The following FAT3 variants were observed in gnomAD, a reference collection of about 807,000 sequenced individuals.
FAT3 encodes protocadherin Fat 3.
A neutral mutation model predicts 310.2 loss-of-function variants in FAT3; 95 were observed. The ratio of observed to expected loss-of-function variants is 0.31; its 90% CI spans 0.26 to 0.36. The LOEUF is 0.36. Among genes scored for constraint, FAT3 ranks in the 10% least tolerant of loss-of-function variants. FAT3 has a pLI of 1.00. For synonymous variants in FAT3, 2,314 were observed against 2,192.9 expected, an observed-to-expected ratio of 1.06 and a Z score of -1.54; for missense variants, 5,408 against 5,715.6, an observed-to-expected ratio of 0.95 and a Z score of 1.74.
At chr11:92,243,238 G>A (rs887789921) in intron 1 of FAT3, among the ~76,000 whole-genome samples, 2 of 151,980 alleles carry the variant, frequency 1.3e-5, no homozygotes, top group Admixed American at 6.6e-5. Flanking sequence ...AAAATGAAAA[G>A]GGGAGACAAA....
chr11:92,666,175 G>T (rs943586821), intron 3 of FAT3, among the ~76,000 whole-genome samples: 2 of 152,170 alleles, frequency 1.3e-5, no homozygotes, highest in Non-Finnish European at 2.9e-5. Context: ...AAAGGGTTCA[G>T]TTATAAAAGT....
At chr11:92,563,194 C>A (rs577634242) in intron 3 of FAT3, among the ~76,000 whole-genome samples, 2 of 152,122 alleles carry the variant, frequency 1.3e-5, no homozygotes, top group Non-Finnish European at 2.9e-5. Flanking sequence ...AAAATATTTT[C>A]TAATTGGCTT....
rs186313670 is a variant in FAT3, at chr11:92,483,336, C to G, written c.3293-41298C>G. Among the ~76,000 whole-genome samples the G allele has an allele frequency of 8.0e-5, 12 of 149,252 alleles. No individual in the cohort carries two copies. In the East Asian group the frequency reaches 2.2e-3, roughly 27 times the overall value. On this transcript the variant is annotated intron_variant, in intron 2 of 27. Coordinates refer to ENST00000525166, the MANE Select transcript of FAT3 (RefSeq NM_001367949.2). ...CTGTTATTTCTTTTTTTTTTCTTTT[C>G]TTTTTCTTTTATTTTTTGAGGCAGA...
chr11:92,464,806 A>G (rs1422409714), intron 2 of FAT3, among the ~76,000 whole-genome samples: 1 of 152,178 alleles, frequency 6.6e-6, no homozygotes, highest in East Asian at 1.9e-4. Context: ...TATTTCTAGC[A>G]CATTAAGCTT....
At chr11:92,576,179 G>A (rs1232519550) in intron 3 of FAT3, among the ~76,000 whole-genome samples, 1 of 152,156 alleles carries the variant, frequency 6.6e-6, no homozygotes, top group African/African-American at 2.4e-5. Context: ...CGAAGCAGGA[G>A]CAGTCTCTGT....
At chr11:92,737,851 C>T (rs573296254) in intron 4 of FAT3, among the ~76,000 whole-genome samples, 12 of 152,114 alleles carry the variant, frequency 7.9e-5, no homozygotes, top group African/African-American at 2.6e-4. Context: ...ACAGTGTTAT[C>T]AAGAAACCTC....
chr11:92,374,030 G>GGAGAGAGA (rs58680206), intron 2 of FAT3, among the ~76,000 whole-genome samples: 14,588 of 142,088 alleles, frequency 0.1, 778 homozygotes, highest in Non-Finnish European at 0.12. Context: ...ACAGAGAGAG[G>GGAGAGAGA]GAGAGAGAGA....
intron 3 of FAT3, among the ~76,000 whole-genome samples, chr11:92,579,056 G>C (rs1355151076): frequency 5.3e-5 from 8 of 152,050 alleles, no homozygotes; most frequent in African/African-American, 1.7e-4. Context: ...GGTATCTATA[G>C]TTCCATTAAT....
At chr11:92,563,448 A>T (rs2135477261) in intron 3 of FAT3, among the ~76,000 whole-genome samples, 1 of 152,316 alleles carries the variant, frequency 6.6e-6, no homozygotes, top group South Asian at 2.1e-4. Flanking sequence ...TCAACTTCAG[A>T]CACTACCAGG....
intron 9 of FAT3, among the ~76,000 whole-genome samples, chr11:92,794,075 C>G (rs534588788): frequency 6.6e-6 from 1 of 152,056 alleles, no homozygotes; most frequent in African/African-American, 2.4e-5. Flanking sequence ...GCAAAGTTTC[C>G]GGAGAGAATT....
At chr11:92,424,872 A>G (rs2134995209) in intron 2 of FAT3, among the ~76,000 whole-genome samples, 1 of 152,282 alleles carries the variant, frequency 6.6e-6, no homozygotes, top group South Asian at 2.1e-4. Context: ...CTATGATCAG[A>G]TTGTAATGTG....
At chr11:92,813,510 A>G (rs1003503763) in intron 13 of FAT3, among the ~76,000 whole-genome samples, 1 of 152,134 alleles carries the variant, frequency 6.6e-6, no homozygotes, top group Non-Finnish European at 1.5e-5. Flanking sequence ...TCATTTAAGC[A>G]CCACATTCAT....
At position 92,268,118 on chromosome 11, in the gene FAT3, C is replaced by G. The variant is rs184578839; in HGVS notation, c.-18+42944C>G. 3.3e-5 allele frequency among the ~76,000 whole-genome samples: 5 copies of G among 152,046 alleles called. No individual in the cohort carries two copies. In the East Asian group the frequency reaches 9.7e-4, roughly 29 times the overall value. ...GGAGAAAGAAAACAAACACTGGTCCCAACTCTGTGCTAATAGCTTTCAGTA... is the reference window on the plus strand; with the variant it reads ...GGAGAAAGAAAACAAACACTGGTCCGAACTCTGTGCTAATAGCTTTCAGTA... On this transcript the variant is annotated intron_variant, in intron 1 of 27. Transcript: ENST00000525166.
rs778687332 is a variant in FAT3 at position 92,882,801 on chromosome 11, C to T, written c.12345C>T (p.Asn4115=). 12 of 1,611,898 alleles carry T rather than the reference C, an allele frequency of 7.4e-6. No individual in the cohort carries two copies. The highest frequency in any genetic ancestry group is 1.6e-4 in the Middle Eastern group (1 of 6,062). Residue 4115 remains asparagine, a synonymous_variant, in exon 24 of 28, where the codon AAC becomes AAT. Coordinates refer to ENST00000525166, the MANE Select transcript of FAT3 (RefSeq NM_001367949.2). ...GTGAGAACGGAGGCTCCTGCGTGAACGTGTTCGGCTCCTTCCTCTGCAACT... is the reference window on the plus strand; with the variant it reads ...GTGAGAACGGAGGCTCCTGCGTGAATGTGTTCGGCTCCTTCCTCTGCAACT... ...EECENGGSCV[N]VFGSFLCNCT...
chr11:92,645,299 C>T (rs990594121), intron 3 of FAT3, among the ~76,000 whole-genome samples: 1 of 152,142 alleles, frequency 6.6e-6, no homozygotes, highest in Non-Finnish European at 1.5e-5. Context: ...CCATCTGGTC[C>T]TTATCAGCTT....
intron 3 of FAT3, among the ~76,000 whole-genome samples, chr11:92,654,249 C>T (rs1256695475): frequency 6.6e-6 from 1 of 152,136 alleles, no homozygotes; most frequent in Non-Finnish European, 1.5e-5. Flanking sequence ...TAAGTTCCAG[C>T]CAGAATGGGT....
chr11:92,878,633 T>A, intron 22 of FAT3, among the ~76,000 whole-genome samples: 2 of 35,420 alleles, frequency 5.6e-5, no homozygotes, highest in Admixed American at 3.5e-4. Flanking sequence ...ATGTTATGTG[T>A]TAAAAAAAAA....
At chr11:92,714,085 T>C (rs946903447) in intron 4 of FAT3, among the ~76,000 whole-genome samples, 2 of 152,240 alleles carry the variant, frequency 1.3e-5, no homozygotes, top group African/African-American at 2.4e-5. Flanking sequence ...AGAGTTCTTA[T>C]AAGACTACTG....
At chr11:92,813,355 C>T (rs191898907) in intron 13 of FAT3, among the ~76,000 whole-genome samples, 3 of 152,282 alleles carry the variant, frequency 2.0e-5, no homozygotes, top group East Asian at 3.9e-4. Context: ...CTTCACCCAG[C>T]CCTTCTCCCA....
Sources: gnomAD v4.1 joint callset for allele counts (sites outside exome capture counted in the v4.1 genomes callset) on GRCh38, gnomAD v4.1.1 for gene constraint, MANE v1.5 for transcripts, NCBI Gene and HGNC (gene_info 2026-07-23, HGNC 2026-07-21) for gene names.